Variants in KDM2B observed in about 807,000 individuals in gnomAD.
The protein encoded by KDM2B is lysine demethylase 2B, also known as lysine-specific demethylase 2B.
KDM2B carries 26 observed loss-of-function variants against 150.0 expected under a neutral mutation model. The observed-to-expected ratio is 0.17, with a 90% confidence interval of 0.13 to 0.24. The LOEUF (loss-of-function observed/expected upper bound fraction) is 0.24. Ranked by LOEUF, KDM2B falls within the 10% of genes least tolerant of loss-of-function variation. KDM2B has a pLI of 1.00. For synonymous variants in KDM2B, 734 were observed against 729.5 expected, an observed-to-expected ratio of 1.01 and a Z score of -0.10; for missense variants, 1,265 against 1,816.9, an observed-to-expected ratio of 0.70 and a Z score of 5.52.
chr12:121,470,504 A>T (rs1880659493), intron 12 of KDM2B: 1 of 152,242 alleles, frequency 6.6e-6, no homozygotes, highest in Admixed American at 6.5e-5. Flanking sequence ...CCCAGGCAAT[A>T]ACAGCAGCTT....
chr12:121,436,628 A>C (rs549773369), intron 22 of KDM2B, among the ~76,000 whole-genome samples: 1 of 152,278 alleles, frequency 6.6e-6, no homozygotes, highest in Admixed American at 6.5e-5. Flanking sequence ...TCAGAGGACT[A>C]GTCCAGAAAG....
chr12:121,486,461 G>C (rs1312529643), intron 12 of KDM2B, among the ~76,000 whole-genome samples: 1 of 149,808 alleles, frequency 6.7e-6, no homozygotes, highest in Non-Finnish European at 1.5e-5. Context: ...TTACAGGCGT[G>C]AGCCACTGCG....
intron 6 of KDM2B, among the ~76,000 whole-genome samples, chr12:121,546,144 G>A (rs1445600029): frequency 6.6e-6 from 1 of 152,070 alleles, no homozygotes; most frequent in African/African-American, 2.4e-5. Context: ...TGCTCCAGGA[G>A]AGCAGGAACC....
chr12:121,516,922 G>A lies in KDM2B; in HGVS notation c.1048-3520C>T, dbSNP rs116530590. The A allele has an allele frequency of 3.9e-3, 2,540 of 659,188 alleles. 55 individuals are homozygous for A. In the African/African-American group the frequency reaches 0.041, roughly 11 times the overall value. The allele number at this position is 659,188 out of a possible 1,614,324, so 40.8% of individuals were successfully genotyped here. On this transcript the variant is annotated intron_variant, in intron 9 of 22. Coordinates refer to ENST00000377071, the MANE Select transcript of KDM2B (RefSeq NM_032590.5). ...AAAAAAAGTCCAATGGTAGGGGGAA[G>A]GGGAGAGGGAAGGTAAATTATTTGC... is the stretch of plus-strand genomic sequence containing the variant.
chr12:121,572,862 G>A (rs1057462283), intron 4 of KDM2B, among the ~76,000 whole-genome samples: 11 of 137,590 alleles, frequency 8.0e-5, no homozygotes, highest in South Asian at 2.2e-4. Flanking sequence ...GTCTTGCTCC[G>A]TCACCCAGGC....
At position 121,467,351 on chromosome 12, in the gene KDM2B, C is replaced by G; in HGVS notation, c.1735-14007G>C. On this transcript the variant is annotated intron_variant, in intron 12 of 22. Coordinates refer to ENST00000377071, the MANE Select transcript of KDM2B (RefSeq NM_032590.5). The surrounding 1 kb of genome is among the most constrained non-coding windows in gnomAD (Gnocchi z 5.1). Reference sequence around the variant, plus strand: ...GCTCCCGCTGCCGCGAGGAGGGAGCCGCGCCGCGCGCCTCGCACGCCCGCG... The same window carrying G: ...GCTCCCGCTGCCGCGAGGAGGGAGCGGCGCCGCGCGCCTCGCACGCCCGCG... 2.0e-6 allele frequency: 2 copies of G among 981,516 alleles called. No individual in the cohort carries two copies. The highest frequency in any genetic ancestry group is 2.4e-6 in the Non-Finnish European group (2 of 828,280). 60.8% of individuals were successfully genotyped at this position (981,516 alleles called of 1,614,324 possible).
In KDM2B at chr12:121,533,954, C is replaced by T. The variant is rs1484971194; in HGVS notation, c.777+543G>A. Among the ~76,000 whole-genome samples, 1 of 152,142 alleles carries T rather than the reference C, an allele frequency of 6.6e-6. No homozygotes were observed. Among genetic ancestry groups the T allele is most frequent in the African/African-American group, 2.4e-5 (1 of 41,432 alleles). On this transcript the variant is annotated intron_variant, in intron 7 of 22. Coordinates refer to ENST00000377071, the MANE Select transcript of KDM2B (RefSeq NM_032590.5). The surrounding 1 kb of genome is among the most constrained non-coding windows in gnomAD (Gnocchi z 4.1). ...TACTCGAGAGCTGAGGTGGGAAGAT[C>T]GCTTGAGCCCAGGAGGTGGAGGCTA... is the stretch of plus-strand genomic sequence containing the variant.
At chr12:121,455,338 G>A (rs1476041628) in intron 12 of KDM2B, among the ~76,000 whole-genome samples, 1 of 152,212 alleles carries the variant, frequency 6.6e-6, no homozygotes, top group Non-Finnish European at 1.5e-5. Flanking sequence ...CCTTGTCACA[G>A]GGAGGGCAAG....
intron 12 of KDM2B, among the ~76,000 whole-genome samples, chr12:121,478,698 T>G (rs1881682233): frequency 6.6e-6 from 1 of 151,066 alleles, no homozygotes. Context: ...TCTGTTTTTT[T>G]CTTTTTGAAC....
chr12:121,530,558 G>A (rs561891700), intron 8 of KDM2B, among the ~76,000 whole-genome samples: 18 of 147,982 alleles, frequency 1.2e-4, no homozygotes, highest in Middle Eastern at 3.5e-3. Context: ...TATCTCAGAG[G>A]GTGGCAAATT....
chr12:121,541,491 T>C (rs541325856), intron 6 of KDM2B, among the ~76,000 whole-genome samples: 4 of 147,890 alleles, frequency 2.7e-5, no homozygotes, highest in South Asian at 4.3e-4. Context: ...CAGAATCCTA[T>C]AGATAAAAGA....
chr12:121,566,808 C>T (rs1349142412), intron 4 of KDM2B, among the ~76,000 whole-genome samples: 2 of 152,020 alleles, frequency 1.3e-5, no homozygotes, highest in Non-Finnish European at 2.9e-5. Context: ...AACAAACAAA[C>T]GAACAAAACA....
chr12:121,413,142 C>T, the KDM2B span, among the ~76,000 whole-genome samples: 3 of 152,078 alleles, frequency 2.0e-5, no homozygotes, highest in Non-Finnish European at 4.4e-5. Context: ...TCTCCTGCCT[C>T]GGCCTTCCAA....
At chr12:121,488,449 G>A (rs1321674458) in intron 12 of KDM2B, among the ~76,000 whole-genome samples, 1 of 152,106 alleles carries the variant, frequency 6.6e-6, no homozygotes, top group East Asian at 1.9e-4. Flanking sequence ...CAAGAAAGGC[G>A]CTGTTAGCAC....
At chr12:121,437,981 T>C (rs1317704321) in intron 22 of KDM2B, among the ~76,000 whole-genome samples, 2 of 151,726 alleles carry the variant, frequency 1.3e-5, no homozygotes, top group Non-Finnish European at 2.9e-5. Flanking sequence ...AGGCCAGGCG[T>C]GGTGGCACAC....
chr12:121,433,905 C>T (rs114561993), intron 22 of KDM2B, among the ~76,000 whole-genome samples: 4,472 of 152,010 alleles, frequency 0.029, 229 homozygotes, highest in African/African-American at 0.1. Flanking sequence ...ATAGGCCGGG[C>T]GCGACTGCTC....
chr12:121,451,960 G>A (rs1017357892), intron 13 of KDM2B, among the ~76,000 whole-genome samples: 5 of 151,872 alleles, frequency 3.3e-5, no homozygotes, highest in Admixed American at 3.3e-4. Flanking sequence ...GTATTAATCG[G>A]CCATAAAAAA....
rs781846569 is a variant in KDM2B at position 121,442,622 on chromosome 12, C to T, written c.2819G>A (p.Arg940Gln). 1.9e-5 allele frequency: 30 copies of T among 1,602,800 alleles called. No individual in the cohort carries two copies. Among genetic ancestry groups the T allele is most frequent in the Non-Finnish European group, 2.4e-5 (28 of 1,179,184 alleles). The change falls in exon 19 of 23, where the codon CGG becomes CAG. Residue 940 changes from arginine to glutamine, a missense_variant. Transcript: ENST00000377071. This position sits in a 1 kb window ranked among gnomAD's most constrained non-coding sequence, Gnocchi z 7.7. ...CCTGCTCAGCTCCTTGTTGGGAAGC[C>T]GCCGCTTCCGGCGCATCTTCACCTT... ...KKKVKMRRKR[R>Q]LPNKELSREL...
chr12:121,430,043 G>A lies in KDM2B; in HGVS notation c.*245C>T. On this transcript the variant is annotated 3_prime_UTR_variant, in exon 23 of 23. Transcript: ENST00000377071. This position sits in a 1 kb window ranked among gnomAD's most constrained non-coding sequence, Gnocchi z 4.4. ...TCCTCTCCGACAGGAATGTCTTCTT[G>A]TAAAGGCCGCCTTAGAAATGGTCCA... 2 of 1,323,782 alleles carry A rather than the reference G, an allele frequency of 1.5e-6. No individual in the cohort carries two copies. The highest frequency in any genetic ancestry group is 2.2e-6 in the Non-Finnish European group (2 of 915,368). The allele number at this position is 1,323,782 out of a possible 1,614,324, so 82.0% of individuals were successfully genotyped here.
Sources: allele counts gnomAD v4.1 joint callset (sites outside exome capture counted in the v4.1 genomes callset), GRCh38; gene constraint gnomAD v4.1.1; non-coding constraint Gnocchi (gnomAD v3.1); transcripts MANE v1.5; gene names NCBI Gene and HGNC (gene_info 2026-07-23, HGNC 2026-07-21).